FSTL4: variants seen among roughly 807,000 people sequenced by gnomAD.
FSTL4 encodes follistatin-related protein 4.
A neutral mutation model predicts 78.2 loss-of-function variants in FSTL4; 28 were observed. The observed-to-expected ratio is 0.36, with a 90% CI of 0.27 to 0.49. FSTL4 has a LOEUF of 0.49. Ranked by LOEUF, FSTL4 falls within the 20% of genes least tolerant of loss-of-function variation. The pLI, the probability that FSTL4 is intolerant of heterozygous loss-of-function variation, is 0.98. For synonymous variants in FSTL4, 422 were observed against 440.5 expected, an observed-to-expected ratio of 0.96 and a Z score of 0.53; for missense variants, 922 against 1,084.9, an observed-to-expected ratio of 0.85 and a Z score of 2.11.
At chr5:133,544,367 T>C (rs1289397952) in intron 3 of FSTL4, among the ~76,000 whole-genome samples, 1 of 152,174 alleles carries the variant, frequency 6.6e-6, no homozygotes, top group Non-Finnish European at 1.5e-5. Flanking sequence ...TTCAAAGATA[T>C]TTGATGGTAT....
chr5:133,775,650 T>C, the FSTL4 span, among the ~76,000 whole-genome samples: 1 of 152,096 alleles, frequency 6.6e-6, no homozygotes, highest in Non-Finnish European at 1.5e-5. Context: ...GCCCAGAAGG[T>C]GGAAGAGTAG....
intron 2 of FSTL4, among the ~76,000 whole-genome samples, chr5:133,598,749 G>C (rs1056855618): frequency 6.6e-6 from 1 of 152,104 alleles, no homozygotes; most frequent in Non-Finnish European, 1.5e-5. Flanking sequence ...GACCATTCTC[G>C]CCTCTTGCTG....
the FSTL4 span, among the ~76,000 whole-genome samples, chr5:133,638,998 T>C: frequency 6.6e-6 from 1 of 152,166 alleles, no homozygotes; most frequent in South Asian, 2.1e-4. Flanking sequence ...AGTTCTGGGA[T>C]ACATGTGCAG....
upstream of FSTL4, among the ~76,000 whole-genome samples, chr5:133,616,411 T>A (rs954778525): frequency 6.6e-6 from 1 of 152,042 alleles, no homozygotes; most frequent in African/African-American, 2.4e-5. Context: ...TTCCTCTTCT[T>A]TTCTTTTTGA....
At chr5:133,698,552 G>A in the FSTL4 span, among the ~76,000 whole-genome samples, 20 of 152,336 alleles carry the variant, frequency 1.3e-4, no homozygotes, top group African/African-American at 3.8e-4. Context: ...TGATGATTAC[G>A]TGCAATAATG....
intron 6 of FSTL4, among the ~76,000 whole-genome samples, chr5:133,303,966 T>G (rs1354543284): frequency 6.6e-6 from 1 of 152,072 alleles, no homozygotes; most frequent in African/African-American, 2.4e-5. Context: ...TACCCTCAGT[T>G]TGGTTTCTGG....
chr5:133,606,391 A>G (rs1207287839), intron 1 of FSTL4, among the ~76,000 whole-genome samples: 1 of 152,200 alleles, frequency 6.6e-6, no homozygotes, highest in African/African-American at 2.4e-5. Context: ...AAGTGCTGGT[A>G]TTATAGGAAT....
At chr5:133,529,164 G>A (rs1759198865) in intron 3 of FSTL4, among the ~76,000 whole-genome samples, 1 of 152,222 alleles carries the variant, frequency 6.6e-6, no homozygotes. Flanking sequence ...AGAAGTAAAT[G>A]TCCATTGTGT....
rs140352156 is a variant in FSTL4 at position 133,332,477 on chromosome 5, G to A, written c.410-15825C>T. Among the ~76,000 whole-genome samples, 5 of 152,370 alleles carry A rather than the reference G, an allele frequency of 3.3e-5. No individual in the cohort carries two copies. The East Asian group carries it at 9.6e-4, about 29-fold the overall frequency. On this transcript the variant is annotated intron_variant, in intron 4 of 15. Coordinates refer to ENST00000265342, the MANE Select transcript of FSTL4 (RefSeq NM_015082.2). Reference sequence around the variant, plus strand: ...TCCAAAGAAAAGTGTACACAGCTCAGAGAACACCTGGGGCCGGAGAGGCGG... The same window carrying A: ...TCCAAAGAAAAGTGTACACAGCTCAAAGAACACCTGGGGCCGGAGAGGCGG...
chr5:133,358,012 A>C, intron 4 of FSTL4, among the ~76,000 whole-genome samples: 1 of 152,202 alleles, frequency 6.6e-6, no homozygotes, highest in Admixed American at 6.5e-5. Flanking sequence ...GTCTGTGGTC[A>C]GCTCAGCCTG....
the FSTL4 span, among the ~76,000 whole-genome samples, chr5:133,781,621 C>A: frequency 2.4e-3 from 368 of 152,284 alleles, no homozygotes; most frequent in African/African-American, 8.2e-3. Flanking sequence ...CAAGTCAGAT[C>A]CCCTGAGGGG....
chr5:133,262,723 T>A (rs1459343910), intron 6 of FSTL4, among the ~76,000 whole-genome samples: 8 of 152,230 alleles, frequency 5.3e-5, no homozygotes, highest in East Asian at 1.9e-4. Context: ...TGATTTTTTT[T>A]AAGTTAACAA....
chr5:133,394,382 C>T (rs907855349), intron 4 of FSTL4, among the ~76,000 whole-genome samples: 5 of 152,176 alleles, frequency 3.3e-5, no homozygotes, highest in South Asian at 2.1e-4. Flanking sequence ...ACTGGGGCTG[C>T]GTGTGACGCT....
chr5:133,484,196 G>T (rs183896320), intron 3 of FSTL4, among the ~76,000 whole-genome samples: 1 of 152,320 alleles, frequency 6.6e-6, no homozygotes, highest in African/African-American at 2.4e-5. Flanking sequence ...CAAACGGAAG[G>T]CCCTGCACAA....
the FSTL4 span, among the ~76,000 whole-genome samples, chr5:133,692,692 G>T: frequency 6.6e-6 from 1 of 152,186 alleles, no homozygotes; most frequent in African/African-American, 2.4e-5. Context: ...AGATGTGAGA[G>T]GAAGAAGTGG....
In FSTL4 at chr5:133,426,307, G is replaced by C. The variant is rs1193358406; in HGVS notation, c.161-25321C>G. Among the ~76,000 whole-genome samples the C allele has an allele frequency of 2.6e-5, 4 of 152,158 alleles. No individual in the cohort carries two copies. Among genetic ancestry groups the C allele is most frequent in the Non-Finnish European group, 5.9e-5 (4 of 68,024 alleles). On this transcript the variant is annotated intron_variant, in intron 3 of 15. Transcript: ENST00000265342. This position sits in a 1 kb window ranked among gnomAD's most constrained non-coding sequence, Gnocchi z 5.0. ...CCGGGAGTCTGGGGAGGTGAGAGGG[G>C]GAGACCTGCCTCCGTGGCTCTCCTG...
chr5:133,513,725 C>G (rs1023882120), intron 3 of FSTL4, among the ~76,000 whole-genome samples: 3 of 152,098 alleles, frequency 2.0e-5, no homozygotes, highest in Non-Finnish European at 4.4e-5. Flanking sequence ...AGATTTAAAC[C>G]CAACATGAGG....
chr5:133,666,030 C>T, the FSTL4 span, among the ~76,000 whole-genome samples: 3 of 152,066 alleles, frequency 2.0e-5, no homozygotes, highest in African/African-American at 7.2e-5. Flanking sequence ...GATTAAAGTC[C>T]CCTTCAGGAA....
chr5:133,697,692 C>T, the FSTL4 span, among the ~76,000 whole-genome samples: 2 of 152,234 alleles, frequency 1.3e-5, no homozygotes, highest in Non-Finnish European at 2.9e-5. Context: ...GTCCCCTCTG[C>T]AGGCTCTGGC....
Sources: gnomAD v4.1 joint callset for allele counts (sites outside exome capture counted in the v4.1 genomes callset) on GRCh38, gnomAD v4.1.1 for gene constraint, Gnocchi (gnomAD v3.1) non-coding constraint, MANE v1.5 for transcripts, NCBI Gene and HGNC (gene_info 2026-07-23, HGNC 2026-07-21) for gene names.